ZNF730: variants seen among roughly 807,000 people sequenced by gnomAD.
The protein encoded by ZNF730 is zinc finger protein 730.
A neutral mutation model predicts 12.6 loss-of-function variants in ZNF730; 12 were observed. The observed-to-expected ratio is 0.95, with a 90% CI of 0.61 to 1.54. The LOEUF (loss-of-function observed/expected upper bound fraction) is 1.54, where lower values mean the gene tolerates loss of function less well. ZNF730 is among the 40% of genes most tolerant of loss of function. The probability of loss-of-function intolerance (pLI) is 0.00; values close to 1 mark genes in which losing one functional copy is unlikely to be tolerated. For missense variants in ZNF730, 643 were observed against 583.5 expected (o/e 1.10, Z -1.05); for synonymous variants, 194 against 195.8 (o/e 0.99, Z 0.08).
chr19:23,137,730 T>C (rs947155645), intron 3 of ZNF730, among the ~76,000 whole-genome samples: 2 of 152,246 alleles, frequency 1.3e-5, no homozygotes, highest in African/African-American at 4.8e-5. Context: ...GATATTCTTT[T>C]GTTGGGTGCC....
chr19:23,096,023 G>A (rs1970244791), intron 1 of ZNF730, among the ~76,000 whole-genome samples: 1 of 152,038 alleles, frequency 6.6e-6, no homozygotes, highest in Non-Finnish European at 1.5e-5. Context: ...TACAAGATAC[G>A]ACTCTCTTCT....
Position 23,134,114 on chromosome 19 carries a change from T to C in ZNF730, c.38T>C (p.Phe13Ser). 1 of 1,613,536 alleles carries C rather than the reference T, an allele frequency of 6.2e-7. No homozygotes were observed. The highest frequency in any genetic ancestry group is 1.1e-5 in the South Asian group (1 of 91,028). ...ALTFRDVAIEFSLEEWQCLDT... is the reference protein window; with the variant it reads ...ALTFRDVAIESSLEEWQCLDT... The stretch of plus-strand genomic sequence containing the variant: ...ACATTTAGAGATGTGGCCATAGAAT[T>C]CTCTCTGGAGGAGTGGCAATGTCTG... Residue 13 changes from phenylalanine to serine, a missense_variant, in exon 2 of 4, where the codon TTC (phenylalanine) becomes TCC (serine). Transcript: ENST00000597761.
At position 23,117,186 on chromosome 19, in the gene ZNF730, C is replaced by T. The variant is rs764636017; in HGVS notation, c.3+10C>T. 2 of 1,613,900 alleles carry T rather than the reference C, an allele frequency of 1.2e-6. No homozygotes were observed. The highest frequency in any genetic ancestry group is 4.5e-5 in the East Asian group (2 of 44,878). ...TGGAAGCCTAGAAATGGTGAGAGTG[C>T]CGGTCCGACATCCCGAGAGAGGGAA... On this transcript the variant is annotated intron_variant, in intron 1 of 3. Transcript: ENST00000597761.
intron 1 of ZNF730, among the ~76,000 whole-genome samples, chr19:23,121,254 T>G (rs1041347905): frequency 1.3e-5 from 2 of 152,204 alleles, no homozygotes; most frequent in Non-Finnish European, 2.9e-5. Context: ...TTGTTAATTT[T>G]CTGCCTCAGT....
intron 3 of ZNF730, 84 bp downstream of exon 3, chr19:23,136,127 T>C (rs1329459799): frequency 9.7e-7 from 1 of 1,031,080 alleles, no homozygotes; most frequent in African/African-American, 1.7e-5. Context: ...TTAAAATAAT[T>C]TGGGAAGCTG....
intron 1 of ZNF730, chr19:23,127,069 A>C (rs1970680345): frequency 3.8e-6 from 2 of 521,298 alleles, no homozygotes; most frequent in East Asian, 5.3e-5. Flanking sequence ...CTATTGTAAT[A>C]ATCTGCAGCA....
At chr19:23,118,261 A>G (rs1209324081) in intron 1 of ZNF730, among the ~76,000 whole-genome samples, 2 of 151,872 alleles carry the variant, frequency 1.3e-5, no homozygotes, top group African/African-American at 2.4e-5. Context: ...ACCAAAACTA[A>G]TTCCCTGACA....
chr19:23,081,384 A>G (rs1438249350), intron 1 of ZNF730, among the ~76,000 whole-genome samples: 1 of 151,604 alleles, frequency 6.6e-6, no homozygotes, highest in Non-Finnish European at 1.5e-5. Flanking sequence ...CAATGGTGCT[A>G]TCTTAGCTTA....
Position 23,146,696 on chromosome 19 carries a change from A to G in ZNF730, c.*140A>G. On this transcript the variant is annotated 3_prime_UTR_variant, in exon 4 of 4. Transcript: ENST00000597761. The stretch of plus-strand genomic sequence containing the variant: ...CAGTCCTCAAATCTTACTAAACATA[A>G]GGTAATTCATACTGGAGAAAAACCT... 6.9e-7 allele frequency: 1 copy of G among 1,454,678 alleles called. No individual in the cohort carries two copies. The highest frequency in any genetic ancestry group is 1.4e-5 in the African/African-American group (1 of 71,754). 90.1% of individuals were successfully genotyped at this position (1,454,678 alleles called of 1,614,324 possible). A position where few individuals can be genotyped will look rare whatever the true frequency, so the allele number is the denominator to read the frequency against.
chr19:23,087,416 AAAAG>A (rs1312466788), intron 1 of ZNF730, among the ~76,000 whole-genome samples: 1 of 152,112 alleles, frequency 6.6e-6, no homozygotes, highest in East Asian at 1.9e-4. Context: ...TCAAAGAAAA[AAAAG>A]AAAAAAAGAA....
Position 23,145,897 on chromosome 19 carries a change from A to T in ZNF730, c.853A>T (p.Lys285Ter), listed in dbSNP as rs767240162. The T allele has an allele frequency of 1.4e-5, 22 of 1,610,734 alleles. No homozygotes were observed. In the South Asian group the frequency reaches 2.2e-4, roughly 16 times the overall value. Residue 285 changes from lysine (K) to a stop codon, truncating the protein, a stop_gained, in exon 4 of 4, where the codon AAA (lysine) becomes TAA (stop). Transcript: ENST00000597761. LOFTEE classifies it low-confidence loss of function (END_TRUNC). ...KRIHTGEKPY[K>*]CEECGKAFNQ... ...AATTCATACTGGAGAGAAACCCTAT[A>T]AATGTGAAGAATGTGGCAAAGCCTT...
At position 23,137,031 on chromosome 19, in the gene ZNF730, G is replaced by A. The variant is rs531858853; in HGVS notation, c.226+988G>A. On this transcript the variant is annotated intron_variant, in intron 3 of 3. Coordinates refer to ENST00000597761, the MANE Select transcript of ZNF730 (RefSeq NM_001277403.2). ...TAAAAATACAAAAAATTAGCCGGAC[G>A]TGGTGGCAGGCACCTGTAATCCCAG... is the stretch of plus-strand genomic sequence containing the variant. Among the ~76,000 whole-genome samples the A allele has an allele frequency of 3.0e-3, 456 of 152,142 alleles. 3 individuals carry two copies. Among genetic ancestry groups the A allele is most frequent in the Non-Finnish European group, 4.8e-3 (328 of 67,982 alleles).
At chr19:23,088,935 C>T (rs368920864) in intron 1 of ZNF730, among the ~76,000 whole-genome samples, 82 of 149,078 alleles carry the variant, frequency 5.5e-4, no homozygotes, top group African/African-American at 1.8e-3. Flanking sequence ...TGCAGTGGTG[C>T]GATCTCGGCT....
At chr19:23,086,090 G>C (rs912218110) in intron 1 of ZNF730, among the ~76,000 whole-genome samples, 3 of 151,788 alleles carry the variant, frequency 2.0e-5, no homozygotes, top group African/African-American at 7.3e-5. Flanking sequence ...TGATCCACCC[G>C]CCTTGGCCTC....
upstream of ZNF730, among the ~76,000 whole-genome samples, chr19:23,115,706 TTACCCCCAGAA>T (rs1970510921): frequency 1.4e-4 from 4 of 28,264 alleles, no homozygotes. Context: ...AAGCAGAAGC[TTACCCCCAGAA>T]GCACAGCTTC....
At chr19:23,075,627 C>T (rs1428444061) in intron 1 of ZNF730, among the ~76,000 whole-genome samples, 1 of 152,182 alleles carries the variant, frequency 6.6e-6, no homozygotes, top group East Asian at 1.9e-4. Context: ...GCCCGCAGCC[C>T]CGAGTATTTC....
At chr19:23,090,929 G>T (rs375004063) in intron 1 of ZNF730, among the ~76,000 whole-genome samples, 3 of 152,040 alleles carry the variant, frequency 2.0e-5, no homozygotes, top group South Asian at 2.1e-4. Context: ...CCCAGGAGGC[G>T]GTGGAGGTTG....
At position 23,146,188 on chromosome 19, in the gene ZNF730, A is replaced by G; in HGVS notation, c.1144A>G (p.Thr382Ala). ...ECGKAFNQSS[T>A]LTIHKIIHTV... is the part of the protein sequence containing the mutation. ...TGGTAAAGCTTTTAACCAATCCTCA[A>G]CTCTTACTATACATAAGATAATTCA... is the stretch of plus-strand genomic sequence containing the variant. The change falls in exon 4 of 4, where the codon ACT becomes GCT. Residue 382 changes from threonine (T) to alanine (A), a missense_variant. Physicochemically the swap from Thr to Ala is moderately conservative, Grantham distance 58. Transcript: ENST00000597761. 1 of 1,609,140 alleles carries G rather than the reference A, an allele frequency of 6.2e-7. No individual in the cohort carries two copies. The highest frequency in any genetic ancestry group is 1.1e-5 in the South Asian group (1 of 90,652).
upstream of ZNF730, among the ~76,000 whole-genome samples, chr19:23,116,805 C>A (rs1242168710): frequency 6.6e-6 from 1 of 152,146 alleles, no homozygotes; most frequent in East Asian, 1.9e-4. Context: ...AGTCAGTACC[C>A]TCTGGGGTGG....
Sources: allele counts gnomAD v4.1 joint callset (sites outside exome capture counted in the v4.1 genomes callset), GRCh38; gene constraint gnomAD v4.1.1; transcripts MANE v1.5; gene names NCBI Gene and HGNC (gene_info 2026-07-23, HGNC 2026-07-21).